LRRC56: variants seen among roughly 807,000 people sequenced by gnomAD.
LRRC56 encodes the protein leucine rich repeat containing 56, also known as leucine-rich repeat-containing protein 56.
Under a neutral mutation model 47.8 loss-of-function variants are expected in LRRC56, and 41 were observed. The ratio of observed to expected loss-of-function variants is 0.86; its 90% CI spans 0.67 to 1.11. LRRC56 has a LOEUF of 1.11. Among genes scored for constraint, LRRC56 ranks in the 50% most tolerant of loss-of-function variants. LRRC56 has a pLI of 0.00. For missense variants in LRRC56, 759 were observed against 704.2 expected (o/e 1.08, Z -0.88); for synonymous variants, 387 against 311.2 (o/e 1.24, Z -2.56).
intron 1 of LRRC56, among the ~76,000 whole-genome samples, chr11:538,285 C>G (rs1270107006): frequency 6.6e-6 from 1 of 152,176 alleles, no homozygotes; most frequent in Non-Finnish European, 1.5e-5. Flanking sequence ...CCATAGGTGT[C>G]CAGGGGCTGC....
Position 554,910 on chromosome 11 carries a change from G to A in LRRC56, c.*634G>A, listed in dbSNP as rs1852686392. On this transcript the variant is annotated 3_prime_UTR_variant, in exon 14 of 14. Transcript: ENST00000270115. ...ACGTTGGTTCAATAAATGATGCAGC[G>A]GACACAGCCCGCCCAGCCCCGGCGC... 2 of 1,126,964 alleles carry A rather than the reference G, an allele frequency of 1.8e-6. No homozygotes were observed. Among genetic ancestry groups the A allele is most frequent in the Non-Finnish European group, 1.2e-6 (1 of 829,804 alleles). 69.8% of individuals were successfully genotyped at this position (1,126,964 alleles called of 1,614,324 possible). A position where few individuals can be genotyped will look rare whatever the true frequency, so the allele number is the denominator to read the frequency against.
Position 554,315 on chromosome 11 carries a change from C to T in LRRC56, c.*39C>T, listed in dbSNP as rs527690274. 5.5e-6 allele frequency: 8 copies of T among 1,452,064 alleles called. No homozygotes were observed. The highest frequency in any genetic ancestry group is 4.8e-5 in the Admixed American group (2 of 41,446). The allele number at this position is 1,452,064 out of a possible 1,614,324, so 89.9% of individuals were successfully genotyped here. The stretch of plus-strand genomic sequence containing the variant: ...GCCAGGCTTCCCTGTGCTGGGGCCA[C>T]GACTTGCCCACATATGTGGTCACAG... On this transcript the variant is annotated 3_prime_UTR_variant, in exon 14 of 14. Coordinates refer to ENST00000270115, the MANE Select transcript of LRRC56 (RefSeq NM_198075.4).
the LRRC56 span, chr11:507,224 C>T: frequency 6.6e-6 from 1 of 152,186 alleles, no homozygotes; most frequent in African/African-American, 2.4e-5. Flanking sequence ...ACCCGCCAGT[C>T]AGCGGCGCGG....
the LRRC56 span, among the ~76,000 whole-genome samples, chr11:518,565 C>T: frequency 6.6e-6 from 1 of 152,230 alleles, no homozygotes; most frequent in African/African-American, 2.4e-5. Context: ...CTTCGTGATC[C>T]GGCCGCCTCC....
At chr11:544,175 G>A (rs1395142183) in intron 5 of LRRC56, among the ~76,000 whole-genome samples, 1 of 152,222 alleles carries the variant, frequency 6.6e-6, no homozygotes, top group African/African-American at 2.4e-5. Flanking sequence ...CACAGGCTGG[G>A]GCGTGCAGTG....
intron 1 of LRRC56, among the ~76,000 whole-genome samples, chr11:538,298 G>A (rs977099113): frequency 1.3e-5 from 2 of 152,176 alleles, no homozygotes; most frequent in Non-Finnish European, 2.9e-5. Flanking sequence ...GGGGCTGCCC[G>A]TGACCCCGCC....
At chr11:538,433 C>A (rs1851628324) in intron 1 of LRRC56, among the ~76,000 whole-genome samples, 165 bp from the exon 2 acceptor site, 1 of 152,102 alleles carries the variant, frequency 6.6e-6, no homozygotes, top group Non-Finnish European at 1.5e-5. Context: ...TGGAGAAAGG[C>A]AGGCAGTGGG....
At chr11:536,251 G>C (rs1456999767), upstream of LRRC56, among the ~76,000 whole-genome samples, 2 of 152,220 alleles carry the variant, frequency 1.3e-5, no homozygotes, top group Non-Finnish European at 2.9e-5. Context: ...TCGGGCCTGC[G>C]TGGCAGGCGA....
the LRRC56 span, among the ~76,000 whole-genome samples, chr11:519,219 G>C: frequency 1.3e-5 from 2 of 152,228 alleles, no homozygotes; most frequent in Non-Finnish European, 2.9e-5. Context: ...TTAGATCTCC[G>C]TGTTTCTTCC....
At chr11:533,477 G>A (rs533567288), upstream of LRRC56, 4 of 1,613,552 alleles carry the variant, frequency 2.5e-6, no homozygotes, top group African/African-American at 1.3e-5. Flanking sequence ...CCGAGGTCTC[G>A]ATGTAGGGGA....
rs113009232 is a variant in LRRC56, at chr11:541,859, A to G, written c.265+235A>G. Among the ~76,000 whole-genome samples, 685 of 105,604 alleles carry G rather than the reference A, an allele frequency of 6.5e-3. 2 individuals carry two copies. The highest frequency in any genetic ancestry group is 0.032 in the Middle Eastern group (5 of 154). The allele number at this position is 105,604 out of a possible 152,430, so 69.3% of individuals were successfully genotyped here. On this transcript the variant is annotated intron_variant, in intron 5 of 13. Transcript: ENST00000270115. The surrounding 1 kb of genome is among the most constrained non-coding windows in gnomAD (Gnocchi z 4.1). Reference sequence around the variant, plus strand: ...CACGCTCAGTACCCCACACACCCACACCAGTACCCCCAGCACGCTCAGTAC... The same window carrying G: ...CACGCTCAGTACCCCACACACCCACGCCAGTACCCCCAGCACGCTCAGTAC...
chr11:510,799 C>T, the LRRC56 span, among the ~76,000 whole-genome samples: 1 of 151,630 alleles, frequency 6.6e-6, no homozygotes, highest in Non-Finnish European at 1.5e-5. Flanking sequence ...ATCCCAGCTA[C>T]TTGGGAGGCT....
At chr11:514,909 C>T in the LRRC56 span, among the ~76,000 whole-genome samples, 3 of 152,154 alleles carry the variant, frequency 2.0e-5, no homozygotes, top group Non-Finnish European at 4.4e-5. Context: ...GTTTTCTCCC[C>T]GGCTGGTTGC....
At chr11:507,526 C>T in the LRRC56 span, among the ~76,000 whole-genome samples, 12 of 152,134 alleles carry the variant, frequency 7.9e-5, no homozygotes, top group Non-Finnish European at 1.8e-4. Context: ...CGCACTGGCA[C>T]GCAAGTCTCA....
At chr11:519,278 TGATACACAGGTGAGCTTTATTAGAAC>T in the LRRC56 span, among the ~76,000 whole-genome samples, 1 of 148,638 alleles carries the variant, frequency 6.7e-6, no homozygotes, top group South Asian at 2.1e-4. Context: ...GAACGCGGGC[TGATACACAGGTGAGCTTTATTAGAAC>T]GCGGGCTGAT....
At chr11:516,374 C>CA in the LRRC56 span, among the ~76,000 whole-genome samples, 4 of 151,364 alleles carry the variant, frequency 2.6e-5, 1 homozygote, top group Admixed American at 2.6e-4. Context: ...GCCTGAGTGA[C>CA]AGAGCGAGCC....
chr11:527,514 G>C, the LRRC56 span, among the ~76,000 whole-genome samples: 1 of 152,174 alleles, frequency 6.6e-6, no homozygotes, highest in South Asian at 2.1e-4. Flanking sequence ...TTGGCAAAAC[G>C]ATAGGGTAAG....
chr11:554,014 C>G lies in LRRC56; in HGVS notation c.1367C>G (p.Pro456Arg), dbSNP rs200080449. The change falls in exon 14 of 14, where the codon CCA becomes CGA. Residue 456 changes from proline to arginine, a missense_variant. Physicochemically the swap from Pro to Arg is moderately radical, Grantham distance 103 (BLOSUM62 -2). Transcript: ENST00000270115. ...QHLVPSPPKH[P>R]RPRDSGSSSP... The stretch of plus-strand genomic sequence containing the variant: ...CTGGTCCCTTCACCTCCCAAGCACC[C>G]AAGGCCACGAGATTCTGGCAGCAGC... 2 of 1,612,192 alleles carry G rather than the reference C, an allele frequency of 1.2e-6. No homozygotes were observed. Among genetic ancestry groups the G allele is most frequent in the Admixed American group, 1.7e-5 (1 of 59,974 alleles).
chr11:534,754 C>A (rs1851351827), upstream of LRRC56, among the ~76,000 whole-genome samples: 2 of 152,246 alleles, frequency 1.3e-5, no homozygotes, highest in African/African-American at 4.8e-5. Flanking sequence ...CGCGCCACGG[C>A]GTGCCCGGGC....
Sources: allele counts gnomAD v4.1 joint callset (sites outside exome capture counted in the v4.1 genomes callset), GRCh38; gene constraint gnomAD v4.1.1; non-coding constraint Gnocchi (gnomAD v3.1); transcripts MANE v1.5; gene names NCBI Gene and HGNC (gene_info 2026-07-23, HGNC 2026-07-21).